Variants in KIDINS220 observed in about 807,000 individuals in gnomAD.
KIDINS220 encodes kinase D-interacting substrate of 220 kDa.
KIDINS220 carries 63 observed loss-of-function variants against 157.6 expected under a neutral mutation model. That is an observed-to-expected ratio of 0.40 (90% CI 0.33 to 0.49). The LOEUF (loss-of-function observed/expected upper bound fraction) is 0.49, where lower values mean the gene tolerates loss of function less well. Ranked by LOEUF, KIDINS220 falls within the 20% of genes least tolerant of loss-of-function variation. KIDINS220 has a pLI of 0.66. For synonymous variants in KIDINS220, 732 were observed against 783.6 expected (o/e 0.93, Z 1.10); for missense variants, 1,772 against 2,171.2 (o/e 0.82, Z 3.65).
chr2:8,731,730 C>G lies in KIDINS220; in HGVS notation c.4306G>C (p.Gly1436Arg), dbSNP rs768804261. Residue 1436 changes from glycine to arginine, a missense_variant, in exon 30 of 30, where the codon GGG (glycine) becomes CGG (arginine). Physicochemically the swap from Gly to Arg is moderately radical, Grantham distance 125. This residue lies in a region of KIDINS220 where 793 missense variants were observed against 885.5 expected (regional missense o/e 0.90). Transcript: ENST00000256707. This position sits in a 1 kb window ranked among gnomAD's most constrained non-coding sequence, Gnocchi z 5.2. ...SIHSNLEQEK[G>R]KDSEPKPDDG... ...TCGGGCTTTGGTTCACTATCCTTCC[C>G]CTTTTCTTGCTCTAGGTTTGAATGA... The G allele has an allele frequency of 5.0e-5, 81 of 1,614,066 alleles. No individual in the cohort carries two copies.
intron 22 of KIDINS220, among the ~76,000 whole-genome samples, chr2:8,753,699 C>A (rs1289018486): frequency 6.6e-6 from 1 of 152,188 alleles, no homozygotes; most frequent in Non-Finnish European, 1.5e-5. Flanking sequence ...GAAATGGGAA[C>A]CTTATTCTAA....
rs1002920746 is a variant in KIDINS220 at position 8,729,435 on chromosome 2, C to T, written c.*1285G>A. ...GGGTAAACCACCAGAATTCATTCTA[C>T]ATAAATGAGCTATGTTAAAACGATA... On this transcript the variant is annotated 3_prime_UTR_variant, in exon 30 of 30. Transcript: ENST00000256707. 41 of 985,304 alleles carry T rather than the reference C, an allele frequency of 4.2e-5. No individual in the cohort carries two copies. The highest frequency in any genetic ancestry group is 4.5e-5 in the Non-Finnish European group (37 of 829,902). 61.0% of individuals were successfully genotyped at this position (985,304 alleles called of 1,614,324 possible). A position where few individuals can be genotyped will look rare whatever the true frequency, so the allele number is the denominator to read the frequency against.
intron 1 of KIDINS220, among the ~76,000 whole-genome samples, chr2:8,833,644 A>C (rs1191020832): frequency 6.6e-6 from 1 of 152,188 alleles, no homozygotes; most frequent in Non-Finnish European, 1.5e-5. Flanking sequence ...CATACAAGAC[A>C]CTATATTTCT....
At chr2:8,819,732 T>C (rs1162028982) in intron 2 of KIDINS220, among the ~76,000 whole-genome samples, 1 of 151,758 alleles carries the variant, frequency 6.6e-6, no homozygotes, top group African/African-American at 2.4e-5. Flanking sequence ...GGCTGAGACA[T>C]GAGAATCGCT....
In KIDINS220 at chr2:8,731,954, G is replaced by A. The variant is rs1220965170; in HGVS notation, c.4082C>T (p.Ser1361Leu). The A allele has an allele frequency of 7.5e-6, 12 of 1,596,888 alleles. No homozygotes were observed. Among genetic ancestry groups the A allele is most frequent in the Non-Finnish European group, 9.4e-6 (11 of 1,170,978 alleles). The change falls in exon 30 of 30, where the codon TCG becomes TTG. Residue 1361 changes from serine (S) to leucine (L), a missense_variant. Ser to Leu is a moderately radical substitution (Grantham distance 145). Around this residue, in one of 3 missense-constraint regions of KIDINS220, gnomAD observed 793 missense variants for 885.5 expected, o/e 0.90. Coordinates refer to ENST00000256707, the MANE Select transcript of KIDINS220 (RefSeq NM_020738.4). The surrounding 1 kb of genome is among the most constrained non-coding windows in gnomAD (Gnocchi z 5.2). ...QSQTRRTPSL[S>L]SLNSQDSSIE... ...ACTGGAATCCTGGGAATTGAGACTC[G>A]AAAGACTTGGGGTTCTGCGAGTTTG... is the stretch of plus-strand genomic sequence containing the variant.
Position 8,786,335 on chromosome 2 carries a change from T to C in KIDINS220, c.1810A>G (p.Arg604Gly). 1.2e-6 allele frequency: 2 copies of C among 1,613,366 alleles called. No individual in the cohort carries two copies. The highest frequency in any genetic ancestry group is 1.7e-6 in the Non-Finnish European group (2 of 1,179,464). Residue 604 changes from arginine to glycine, a missense_variant, in exon 16 of 30, where the codon AGA becomes GGA. Arg to Gly is a moderately radical substitution (Grantham distance 125). This residue lies in a region of KIDINS220 where 725 missense variants were observed against 1,017.1 expected (regional missense o/e 0.71). Transcript: ENST00000256707. ...GTTTCTCCACCTACACTGGACAGTC[T>C]ATTGTAATCTGTAAACAAAAACCTT... ...PVRFLFTDYN[R>G]LSSVGGETSL... is the part of the protein sequence containing the mutation.
chr2:8,774,641 C>A (rs1364856274), intron 21 of KIDINS220, among the ~76,000 whole-genome samples: 1 of 151,902 alleles, frequency 6.6e-6, no homozygotes, highest in African/African-American at 2.4e-5. Flanking sequence ...GCAGGAGGAG[C>A]CTTTTGATGG....
chr2:8,831,157 A>G (rs560192038), intron 1 of KIDINS220, among the ~76,000 whole-genome samples: 7 of 152,372 alleles, frequency 4.6e-5, no homozygotes, highest in African/African-American at 1.7e-4. Context: ...AAGCCATTGT[A>G]AAGATGCAAA....
At chr2:8,817,519 T>G in intron 4 of KIDINS220, 99 bp downstream of exon 4, 1 of 692,136 alleles carries the variant, frequency 1.4e-6, no homozygotes, top group Non-Finnish European at 2.2e-6. Flanking sequence ...AAAAACATTA[T>G]TATAATATCA....
chr2:8,837,145 G>A (rs1558520256), intron 1 of KIDINS220, among the ~76,000 whole-genome samples: 2 of 152,130 alleles, frequency 1.3e-5, no homozygotes, highest in South Asian at 2.1e-4. Flanking sequence ...ATGTGCCAGA[G>A]GCTGCTTGGC....
chr2:8,778,881 G>C lies in KIDINS220; in HGVS notation c.2614+15C>G, dbSNP rs1289447571. 1 of 1,612,878 alleles carries C rather than the reference G, an allele frequency of 6.2e-7. No individual in the cohort carries two copies. Among genetic ancestry groups the C allele is most frequent in the African/African-American group, 1.3e-5 (1 of 74,948 alleles). On this transcript the variant is annotated intron_variant, in intron 19 of 29. Coordinates refer to ENST00000256707, the MANE Select transcript of KIDINS220 (RefSeq NM_020738.4). The stretch of plus-strand genomic sequence containing the variant: ...CTATTTCAAACTCAAAGTACTTTAG[G>C]AGCCTGAGCTTTACCTGTAGTATCT...
At chr2:8,811,761 A>C (rs1054812460) in intron 6 of KIDINS220, among the ~76,000 whole-genome samples, 6 of 152,154 alleles carry the variant, frequency 3.9e-5, no homozygotes, top group Middle Eastern at 3.4e-3. Context: ...GATTGAGGTA[A>C]GTGTTAAGGA....
intron 1 of KIDINS220, among the ~76,000 whole-genome samples, chr2:8,832,037 T>C (rs1459893164): frequency 6.6e-6 from 1 of 152,230 alleles, no homozygotes; most frequent in Non-Finnish European, 1.5e-5. Flanking sequence ...GTTAAGATTT[T>C]AAATATCCAA....
chr2:8,732,449 T>G (rs1438846276), intron 29 of KIDINS220, among the ~76,000 whole-genome samples: 1 of 152,214 alleles, frequency 6.6e-6, no homozygotes, highest in African/African-American at 2.4e-5. Context: ...AAGGCCAAAG[T>G]CAACTTCATT....
rs771157482 is a variant in KIDINS220 at position 8,788,852 on chromosome 2, C to CT, written c.1622-41dup. The CT allele has an allele frequency of 5.7e-6, 9 of 1,571,122 alleles. No individual in the cohort carries two copies. The East Asian group carries it at 1.6e-4, about 27-fold the overall frequency. Reference sequence around the variant, plus strand: ...TTAAAAAAGTTATCCAAAGCAGTCACTAGTCAAGCAGATCTTTTCTCCAAA... The same window carrying CT: ...TTAAAAAAGTTATCCAAAGCAGTCACTTAGTCAAGCAGATCTTTTCTCCAAA... On this transcript the variant is annotated intron_variant, in intron 14 of 29. Transcript: ENST00000256707.
At chr2:8,803,653 A>AC in intron 7 of KIDINS220, among the ~76,000 whole-genome samples, 1 of 152,182 alleles carries the variant, frequency 6.6e-6, no homozygotes, top group East Asian at 1.9e-4. Flanking sequence ...TAACCTAGAA[A>AC]CTACATTTTC....
At chr2:8,790,159 T>C (rs1672998802) in intron 13 of KIDINS220, 100 bp from the exon 14 acceptor site, 3 of 1,109,922 alleles carry the variant, frequency 2.7e-6, no homozygotes, top group East Asian at 4.9e-5. Context: ...TAAACATTTA[T>C]TGGACACTTA....
intron 22 of KIDINS220, among the ~76,000 whole-genome samples, chr2:8,762,704 A>C (rs1207162442): frequency 6.6e-6 from 1 of 152,160 alleles, no homozygotes; most frequent in Non-Finnish European, 1.5e-5. Flanking sequence ...GCGCCACTGC[A>C]CTCCAGGCTG....
chr2:8,815,967 A>G (rs1402483391), intron 4 of KIDINS220, among the ~76,000 whole-genome samples: 2 of 151,912 alleles, frequency 1.3e-5, no homozygotes, highest in Non-Finnish European at 2.9e-5. Context: ...TCTTCCCTCA[A>G]CTTGGGAAGT....
Sources: allele counts gnomAD v4.1 joint callset (sites outside exome capture counted in the v4.1 genomes callset), GRCh38; gene constraint gnomAD v4.1.1; regional missense constraint gnomAD v4.1.1; non-coding constraint Gnocchi (gnomAD v3.1); transcripts MANE v1.5; gene names NCBI Gene and HGNC (gene_info 2026-07-23, HGNC 2026-07-21).